L3MBTL4: variants seen among roughly 807,000 people sequenced by gnomAD.
The protein encoded by L3MBTL4 is lethal(3)malignant brain tumor-like protein 4.
In L3MBTL4, 70 loss-of-function variants were observed where a neutral mutation model predicts 84.5. The ratio of observed to expected loss-of-function variants is 0.83; its 90% confidence interval spans 0.68 to 1.01. The LOEUF is 1.01. Ranked by LOEUF, L3MBTL4 falls within the 50% of genes least tolerant of loss-of-function variation. The probability of loss-of-function intolerance (pLI) is 0.00; values close to 1 mark genes in which losing one functional copy is unlikely to be tolerated. For synonymous variants in L3MBTL4, 274 were observed against 259.8 expected, an observed-to-expected ratio of 1.05 and a Z score of -0.52; for missense variants, 715 against 754.8, an observed-to-expected ratio of 0.95 and a Z score of 0.62.
At chr18:6,038,399 G>A (rs111615798) in intron 16 of L3MBTL4, among the ~76,000 whole-genome samples, 27 of 151,908 alleles carry the variant, frequency 1.8e-4, no homozygotes, top group African/African-American at 4.6e-4. Context: ...GACTATAGGC[G>A]TCCGCCACCG....
chr18:6,347,624 T>TA (rs988807569), intron 1 of L3MBTL4, among the ~76,000 whole-genome samples: 195 of 148,312 alleles, frequency 1.3e-3, no homozygotes, highest in Middle Eastern at 7.4e-3. Context: ...CATAACTTTT[T>TA]AAAAAAAAAA....
chr18:6,285,576 C>A (rs1241107823), intron 4 of L3MBTL4, among the ~76,000 whole-genome samples: 1 of 151,736 alleles, frequency 6.6e-6, no homozygotes, highest in East Asian at 1.9e-4. Context: ...TAAAACAGAG[C>A]CAAGAAGTCA....
At chr18:6,205,505 A>G (rs981500171) in intron 12 of L3MBTL4, among the ~76,000 whole-genome samples, 2 of 152,190 alleles carry the variant, frequency 1.3e-5, no homozygotes, top group Admixed American at 6.5e-5. Context: ...GGTTTGTTGC[A>G]CCTATCAACC....
chr18:6,271,838 G>A (rs2048885610), intron 4 of L3MBTL4, among the ~76,000 whole-genome samples: 2 of 152,200 alleles, frequency 1.3e-5, no homozygotes, highest in African/African-American at 4.8e-5. Flanking sequence ...CAGCGTTAAA[G>A]GCTCTGCTCG....
intron 18 of L3MBTL4, among the ~76,000 whole-genome samples, chr18:5,957,985 A>G (rs2095237117): frequency 6.7e-6 from 1 of 150,338 alleles, no homozygotes; most frequent in Admixed American, 6.7e-5. Context: ...AGGGAAGAAG[A>G]AGGAAAAAGA....
intron 13 of L3MBTL4, among the ~76,000 whole-genome samples, chr18:6,145,880 T>C (rs1320033326): frequency 6.6e-6 from 1 of 152,082 alleles, no homozygotes; most frequent in African/African-American, 2.4e-5. Flanking sequence ...AAAGATGGAA[T>C]AAGCCATCAG....
intron 14 of L3MBTL4, among the ~76,000 whole-genome samples, chr18:6,117,719 C>T (rs747526216): frequency 6.6e-6 from 1 of 152,182 alleles, no homozygotes; most frequent in Non-Finnish European, 1.5e-5. Context: ...ATGTTAAAAT[C>T]TTGGCACACA....
intron 16 of L3MBTL4, among the ~76,000 whole-genome samples, chr18:6,000,936 AT>A (rs1251119598): frequency 2.0e-5 from 3 of 152,236 alleles, no homozygotes; most frequent in Non-Finnish European, 4.4e-5. Flanking sequence ...TGATAGAACT[AT>A]TTTGGATCTC....
intron 13 of L3MBTL4, among the ~76,000 whole-genome samples, chr18:6,141,172 G>A (rs1455685046): frequency 6.6e-6 from 1 of 151,848 alleles, no homozygotes; most frequent in Admixed American, 6.6e-5. Flanking sequence ...TATATAGTTT[G>A]CAGTCTCCTT....
chr18:6,270,116 T>C (rs2048802218), intron 4 of L3MBTL4, among the ~76,000 whole-genome samples: 1 of 152,196 alleles, frequency 6.6e-6, no homozygotes, highest in African/African-American at 2.4e-5. Flanking sequence ...ACCACACTGT[T>C]ATAAATAGCG....
At chr18:6,060,604 G>A (rs2145882223) in intron 16 of L3MBTL4, among the ~76,000 whole-genome samples, 1 of 152,058 alleles carries the variant, frequency 6.6e-6, no homozygotes, top group Non-Finnish European at 1.5e-5. Context: ...TCAACTAAAA[G>A]TCCTTAGTTT....
chr18:6,389,169 G>T (rs2144494011), intron 1 of L3MBTL4, among the ~76,000 whole-genome samples: 2 of 152,308 alleles, frequency 1.3e-5, no homozygotes. Context: ...AGAACTGTCA[G>T]CCAAGAATTC....
intron 1 of L3MBTL4, among the ~76,000 whole-genome samples, chr18:6,363,957 T>C (rs1350628528): frequency 2.0e-5 from 3 of 152,134 alleles, no homozygotes; most frequent in African/African-American, 7.2e-5. Context: ...AAAGAGGCTA[T>C]CACTAAACCT....
At chr18:6,294,115 G>A (rs917949723) in intron 4 of L3MBTL4, among the ~76,000 whole-genome samples, 4 of 152,056 alleles carry the variant, frequency 2.6e-5, no homozygotes, top group Admixed American at 6.6e-5. Context: ...ACATAATAAT[G>A]TATCGGGGGT....
At chr18:6,073,864 TAA>T (rs146853369) in intron 16 of L3MBTL4, among the ~76,000 whole-genome samples, 1 of 151,766 alleles carries the variant, frequency 6.6e-6, no homozygotes, top group African/African-American at 2.4e-5. Context: ...GTTTCTTTGT[TAA>T]AAAAAAACTT....
chr18:6,210,421 G>A (rs527358854), intron 12 of L3MBTL4, among the ~76,000 whole-genome samples: 1 of 152,234 alleles, frequency 6.6e-6, no homozygotes, highest in Admixed American at 6.5e-5. Context: ...AGAGTAGGAA[G>A]AGTAGGAATG....
At chr18:6,042,062 C>T (rs2056426134) in intron 16 of L3MBTL4, among the ~76,000 whole-genome samples, 1 of 152,146 alleles carries the variant, frequency 6.6e-6, no homozygotes, top group African/African-American at 2.4e-5. Flanking sequence ...TCAATATTCC[C>T]ATACAGGTTT....
intron 16 of L3MBTL4, among the ~76,000 whole-genome samples, chr18:6,009,072 T>C (rs893055566): frequency 3.3e-5 from 5 of 152,156 alleles, no homozygotes; most frequent in Non-Finnish European, 7.4e-5. Flanking sequence ...GGGTGAGCTA[T>C]AAGGCGGGTT....
intron 16 of L3MBTL4, among the ~76,000 whole-genome samples, chr18:6,015,448 A>G (rs1167440224): frequency 2.0e-5 from 3 of 152,160 alleles, no homozygotes; most frequent in African/African-American, 7.2e-5. Context: ...TCACAATACC[A>G]AAAATGTGGA....
Sources: allele counts gnomAD v4.1 joint callset (sites outside exome capture counted in the v4.1 genomes callset), GRCh38; gene constraint gnomAD v4.1.1; transcripts MANE v1.5; gene names NCBI Gene and HGNC (gene_info 2026-07-23, HGNC 2026-07-21).